FMN1: variants seen among roughly 807,000 people sequenced by gnomAD.
FMN1 encodes formin-1.
A neutral mutation model predicts 132.4 loss-of-function variants in FMN1; 110 were observed. The ratio of observed to expected loss-of-function variants is 0.83; its 90% CI spans 0.71 to 0.97. The LOEUF is 0.97. Ranked by LOEUF, FMN1 falls within the 50% of genes least tolerant of loss-of-function variation. FMN1 has a pLI of 0.00. For synonymous variants in FMN1, 722 were observed against 651.7 expected (o/e 1.11, Z -1.64); for missense variants, 1,792 against 1,705.3 (o/e 1.05, Z -0.90).
chr15:32,788,115 T>C (rs1356416125), intron 19 of FMN1, among the ~76,000 whole-genome samples: 1 of 152,190 alleles, frequency 6.6e-6, no homozygotes, highest in East Asian at 1.9e-4. Context: ...CTCTTCCGTT[T>C]GCAGAGCTTC....
At chr15:32,851,697 C>T (rs2059012643) in intron 17 of FMN1, among the ~76,000 whole-genome samples, 1 of 152,120 alleles carries the variant, frequency 6.6e-6, no homozygotes, top group Non-Finnish European at 1.5e-5. Flanking sequence ...TGTCAAATAA[C>T]ACTATATAAG....
chr15:32,913,582 T>A (rs931890881), intron 10 of FMN1, among the ~76,000 whole-genome samples: 2 of 151,906 alleles, frequency 1.3e-5, no homozygotes, highest in Admixed American at 6.6e-5. Context: ...GGCACAGAGG[T>A]CAAAGCCCTG....
intron 13 of FMN1, 66 bp downstream of exon 13, chr15:32,901,845 G>A (rs2060304290): frequency 2.2e-6 from 3 of 1,393,888 alleles, no homozygotes; most frequent in South Asian, 3.1e-5. Flanking sequence ...CATTAAAGTG[G>A]TCTCTCCCAC....
At chr15:33,109,607 C>A (rs1595490666) in intron 4 of FMN1, among the ~76,000 whole-genome samples, 1 of 151,964 alleles carries the variant, frequency 6.6e-6, no homozygotes, top group Non-Finnish European at 1.5e-5. Flanking sequence ...TCAAATACTG[C>A]GTGTTCTCAC....
At chr15:33,120,730 A>G (rs1290218715) in intron 4 of FMN1, among the ~76,000 whole-genome samples, 2 of 152,268 alleles carry the variant, frequency 1.3e-5, no homozygotes, top group Middle Eastern at 3.4e-3. Flanking sequence ...AGACATATAT[A>G]TAAGATATGG....
chr15:32,999,324 T>G (rs908248962), intron 7 of FMN1, among the ~76,000 whole-genome samples: 1 of 152,248 alleles, frequency 6.6e-6, no homozygotes, highest in Non-Finnish European at 1.5e-5. Context: ...TTTATAAATT[T>G]CGTTGTATCA....
intron 17 of FMN1, among the ~76,000 whole-genome samples, chr15:32,808,782 TCTGA>T (rs2057769271): frequency 6.6e-6 from 1 of 152,230 alleles, no homozygotes; most frequent in Non-Finnish European, 1.5e-5. Flanking sequence ...ACTCTAGCTT[TCTGA>T]CTTTTTGGCA....
intron 6 of FMN1, among the ~76,000 whole-genome samples, chr15:33,011,219 T>G (rs189835099): frequency 1.5e-4 from 23 of 152,266 alleles, no homozygotes; most frequent in Admixed American, 1.4e-3. Context: ...AATAGGCTAA[T>G]AAGATAGAAT....
At chr15:33,146,770 A>G (rs1964237891) in intron 4 of FMN1, among the ~76,000 whole-genome samples, 1 of 152,166 alleles carries the variant, frequency 6.6e-6, no homozygotes, top group African/African-American at 2.4e-5. Context: ...CAGAAAGCAA[A>G]TACAGTGAGA....
chr15:32,798,440 T>A (rs2057367406), intron 19 of FMN1, among the ~76,000 whole-genome samples: 1 of 152,202 alleles, frequency 6.6e-6, no homozygotes, highest in African/African-American at 2.4e-5. Context: ...GGAAAAGCAT[T>A]CACTTTTATT....
Position 33,019,773 on chromosome 15 carries a change from G to A in FMN1, c.2162-11698C>T, listed in dbSNP as rs537759560. ...AGGGCCGGCAGGCCACTCGGAGTGC[G>A]GGGCCCGCCAAGCCCATGCCCACTC... is the stretch of plus-strand genomic sequence containing the variant. On this transcript the variant is annotated intron_variant, in intron 6 of 20. Transcript: ENST00000616417. Among the ~76,000 whole-genome samples the A allele has an allele frequency of 3.9e-5, 6 of 152,286 alleles. No homozygotes were observed. In the South Asian group the frequency reaches 1.0e-3, roughly 26 times the overall value.
At chr15:33,122,922 G>C (rs2140182366) in intron 4 of FMN1, among the ~76,000 whole-genome samples, 2 of 152,220 alleles carry the variant, frequency 1.3e-5, no homozygotes, top group South Asian at 4.1e-4. Flanking sequence ...CTATGTGCCA[G>C]GCAGTGAGCT....
At chr15:32,898,397 G>T (rs188486776) in intron 15 of FMN1, among the ~76,000 whole-genome samples, 2 of 152,270 alleles carry the variant, frequency 1.3e-5, no homozygotes, top group East Asian at 3.9e-4. Context: ...AGAAAAGATG[G>T]ATTTTTCAAA....
intron 16 of FMN1, among the ~76,000 whole-genome samples, chr15:32,858,668 AT>A (rs1264597374): frequency 6.6e-6 from 1 of 152,240 alleles, no homozygotes. Context: ...GCAAAGACTA[AT>A]TTTTTAAATG....
At chr15:32,830,336 C>T (rs1470788756) in intron 17 of FMN1, among the ~76,000 whole-genome samples, 1 of 152,014 alleles carries the variant, frequency 6.6e-6, no homozygotes, top group East Asian at 1.9e-4. Context: ...GACTCATTGT[C>T]TTCTCTTCTT....
At chr15:33,118,201 GA>G (rs2140158890) in intron 4 of FMN1, among the ~76,000 whole-genome samples, 1 of 152,250 alleles carries the variant, frequency 6.6e-6, no homozygotes, top group South Asian at 2.1e-4. Context: ...TCCTCCATGG[GA>G]AACTAGCTTT....
intron 6 of FMN1, among the ~76,000 whole-genome samples, chr15:33,010,205 CAG>C (rs2140954788): frequency 6.6e-6 from 1 of 152,170 alleles, no homozygotes; most frequent in African/African-American, 2.4e-5. Flanking sequence ...AAGTCAGTCT[CAG>C]AAGGCCAACC....
chr15:33,065,090 G>A lies in FMN1; in HGVS notation c.2044-16C>T. 2 of 1,557,594 alleles carry A rather than the reference G, an allele frequency of 1.3e-6. No homozygotes were observed. Among genetic ancestry groups the A allele is most frequent in the Non-Finnish European group, 8.8e-7 (1 of 1,136,032 alleles). On this transcript the variant is annotated splice_polypyrimidine_tract_variant and intron_variant, in intron 5 of 20. Coordinates refer to ENST00000616417, the MANE Select transcript of FMN1 (RefSeq NM_001277313.2). ...TGTGGTCAGGCTGTTGAAAGAGCAGGCAAATAGTAAGTGGAATGTAGTCAG... is the reference window on the plus strand; with the variant it reads ...TGTGGTCAGGCTGTTGAAAGAGCAGACAAATAGTAAGTGGAATGTAGTCAG...
chr15:32,961,383 C>T lies in FMN1; in HGVS notation c.3138+2724G>A, dbSNP rs146472212. Among the ~76,000 whole-genome samples, 1,449 of 152,252 alleles carry T rather than the reference C, an allele frequency of 9.5e-3. 21 individuals are homozygous for T. The highest frequency in any genetic ancestry group is 0.017 in the Middle Eastern group (5 of 294). On this transcript the variant is annotated intron_variant, in intron 9 of 20. Transcript: ENST00000616417. ...TCCTGACCTCAGCTGATTCACCCAC[C>T]TCAGCCTCCCAAAGTGCTAGGATTA...
Sources: gnomAD v4.1 joint callset for allele counts (sites outside exome capture counted in the v4.1 genomes callset) on GRCh38, gnomAD v4.1.1 for gene constraint, MANE v1.5 for transcripts, NCBI Gene and HGNC (gene_info 2026-07-23, HGNC 2026-07-21) for gene names.